Variants in ATP10A observed in about 807,000 individuals in gnomAD.
ATP10A encodes the protein ATPase phospholipid transporting 10A (putative).
A neutral mutation model predicts 147.8 loss-of-function variants in ATP10A; 111 were observed. The ratio of observed to expected loss-of-function variants is 0.75; its 90% CI spans 0.64 to 0.88. The LOEUF (loss-of-function observed/expected upper bound fraction) is 0.88, where lower values mean the gene tolerates loss of function less well. ATP10A is among the 40% of genes least tolerant of loss of function. The pLI is 0.00. For synonymous variants in ATP10A, 875 were observed against 841.6 expected (o/e 1.04, Z -0.69); for missense variants, 1,927 against 1,959.0 (o/e 0.98, Z 0.31).
At chr15:25,728,589 G>A (rs559545212) in intron 3 of ATP10A, among the ~76,000 whole-genome samples, 3 of 152,202 alleles carry the variant, frequency 2.0e-5, no homozygotes, top group African/African-American at 4.8e-5. Flanking sequence ...CGTGTCTCCC[G>A]TGGACTTCTC....
At position 25,702,185 on chromosome 15, in the gene ATP10A, A is replaced by C. The variant is rs188659119; in HGVS notation, c.2576-85T>G. The C allele has an allele frequency of 8.6e-5, 119 of 1,384,058 alleles. No homozygotes were observed. The East Asian group carries it at 2.7e-3, about 31-fold the overall frequency. The allele number at this position is 1,384,058 out of a possible 1,614,324, so 85.7% of individuals were successfully genotyped here. A position where few individuals can be genotyped will look rare whatever the true frequency, so the allele number is the denominator to read the frequency against. ...GGGGTGCAAATGTCATGCACCAGAT[A>C]CACCGAAGGCAGGCACTGGTACAGC... On this transcript the variant is annotated intron_variant, in intron 12 of 20. Coordinates refer to ENST00000555815, the MANE Select transcript of ATP10A (RefSeq NM_024490.4).
At chr15:25,793,383 G>A (rs983191528) in intron 1 of ATP10A, among the ~76,000 whole-genome samples, 2 of 152,084 alleles carry the variant, frequency 1.3e-5, no homozygotes, top group Admixed American at 6.5e-5. Flanking sequence ...AAAAGATATC[G>A]CCACTTTCTT....
intron 1 of ATP10A, among the ~76,000 whole-genome samples, chr15:25,828,947 T>C (rs1892232757): frequency 6.6e-6 from 1 of 152,166 alleles, no homozygotes. Flanking sequence ...GGCATTTCTA[T>C]GGCTGGTGAT....
intron 5 of ATP10A, among the ~76,000 whole-genome samples, 167 bp downstream of exon 5, chr15:25,725,782 ATT>A (rs112785287): frequency 6.6e-6 from 1 of 151,194 alleles, no homozygotes; most frequent in Non-Finnish European, 1.5e-5. Flanking sequence ...CTACAGGCAC[ATT>A]TTTTTTGTAT....
intron 1 of ATP10A, among the ~76,000 whole-genome samples, 155 bp downstream of exon 1, chr15:25,862,493 G>A (rs1425407673): frequency 6.6e-6 from 1 of 152,226 alleles, no homozygotes; most frequent in Non-Finnish European, 1.5e-5. Context: ...CTGTGGCTTC[G>A]GTCGGCACCG....
intron 3 of ATP10A, among the ~76,000 whole-genome samples, chr15:25,731,157 C>T (rs758209533): frequency 1.3e-5 from 2 of 152,178 alleles, no homozygotes; most frequent in Non-Finnish European, 2.9e-5. Context: ...AGCTGGTGCT[C>T]GTGCCGGCCC....
intron 10 of ATP10A, among the ~76,000 whole-genome samples, chr15:25,711,132 C>A (rs1362638298): frequency 6.6e-6 from 1 of 152,134 alleles, no homozygotes; most frequent in African/African-American, 2.4e-5. Flanking sequence ...TTGCCTGACA[C>A]CACACCTGCC....
intron 2 of ATP10A, among the ~76,000 whole-genome samples, chr15:25,759,504 G>C (rs1888637667): frequency 6.6e-6 from 1 of 152,124 alleles, no homozygotes; most frequent in African/African-American, 2.4e-5. Context: ...GCATTGCTCT[G>C]CCCTTAATAG....
intron 2 of ATP10A, among the ~76,000 whole-genome samples, chr15:25,757,816 TCACCTGCTCCACCCTAACTCATTCCGAC>T (rs1567360515): frequency 6.7e-5 from 10 of 149,324 alleles, no homozygotes; most frequent in African/African-American, 2.2e-4. Flanking sequence ...CCTTTTTTGA[TCACCTGCTCCACCCTAACTCATTCCGAC>T]CACCTGCTCC....
At chr15:25,812,850 T>A (rs1485074604) in intron 1 of ATP10A, among the ~76,000 whole-genome samples, 1 of 152,202 alleles carries the variant, frequency 6.6e-6, no homozygotes, top group Non-Finnish European at 1.5e-5. Context: ...TAAGATAGAA[T>A]AAAAGTGCAG....
intron 1 of ATP10A, among the ~76,000 whole-genome samples, chr15:25,860,589 C>T (rs1482343626): frequency 6.6e-6 from 1 of 152,150 alleles, no homozygotes; most frequent in Non-Finnish European, 1.5e-5. Flanking sequence ...ATGAAAAATG[C>T]TGACAGTTCC....
intron 1 of ATP10A, among the ~76,000 whole-genome samples, chr15:25,784,806 C>T (rs1890080449): frequency 6.6e-6 from 1 of 151,972 alleles, no homozygotes; most frequent in Admixed American, 6.6e-5. Flanking sequence ...CCTGTAATCC[C>T]AGCTATTCAG....
chr15:25,856,293 T>C (rs1287883156), intron 1 of ATP10A, among the ~76,000 whole-genome samples: 1 of 152,156 alleles, frequency 6.6e-6, no homozygotes, highest in Admixed American at 6.5e-5. Flanking sequence ...TTTACAAGCG[T>C]CTGGCATTTC....
At chr15:25,809,045 G>A (rs1891317654) in intron 1 of ATP10A, among the ~76,000 whole-genome samples, 1 of 152,188 alleles carries the variant, frequency 6.6e-6, no homozygotes, top group Non-Finnish European at 1.5e-5. Context: ...TGGAAGAGGG[G>A]CCACAGGGTT....
intron 1 of ATP10A, among the ~76,000 whole-genome samples, chr15:25,821,010 TAAAC>T (rs1397217960): frequency 4.6e-5 from 7 of 152,222 alleles, no homozygotes; most frequent in African/African-American, 1.7e-4. Context: ...CAGATAAAAA[TAAAC>T]ATACATTACA....
chr15:25,853,988 G>T (rs1893402070), intron 1 of ATP10A, among the ~76,000 whole-genome samples: 1 of 150,416 alleles, frequency 6.6e-6, no homozygotes, highest in Admixed American at 6.6e-5. Flanking sequence ...CAACTTGATT[G>T]GTTCCTACTG....
In ATP10A at chr15:25,695,122, G is replaced by C; in HGVS notation, c.2785C>G (p.Gln929Glu). Reference sequence around the variant, plus strand: ...CTGGACTGCACGTAGCATAGGCACTGGTCTAGCAGGGCTGCACACGCCTCC... The same window carrying C: ...CTGGACTGCACGTAGCATAGGCACTCGTCTAGCAGGGCTGCACACGCCTCC... Reference protein sequence around the residue: ...SQEACAALLDQCLCYVQSRGL... With the variant: ...SQEACAALLDECLCYVQSRGL... The change falls in exon 14 of 21, where the codon CAG becomes GAG. Residue 929 changes from glutamine to glutamate, a missense_variant. Physicochemically the swap from Gln to Glu is conservative, Grantham distance 29. Transcript: ENST00000555815. 6.2e-7 allele frequency: 1 copy of C among 1,612,978 alleles called. No individual in the cohort carries two copies. Among genetic ancestry groups the C allele is most frequent in the Non-Finnish European group, 8.5e-7 (1 of 1,179,178 alleles).
At chr15:25,686,090 A>G (rs1899698752) in intron 16 of ATP10A, among the ~76,000 whole-genome samples, 1 of 152,190 alleles carries the variant, frequency 6.6e-6, no homozygotes, top group Non-Finnish European at 1.5e-5. Flanking sequence ...AGTCCCAGGC[A>G]CAGCCTAATC....
chr15:25,746,199 A>G (rs1463809184), intron 2 of ATP10A, among the ~76,000 whole-genome samples: 1 of 152,184 alleles, frequency 6.6e-6, no homozygotes, highest in East Asian at 1.9e-4. Flanking sequence ...AACAAAAAGA[A>G]AGCTAGCGTG....
Sources: allele counts gnomAD v4.1 joint callset (sites outside exome capture counted in the v4.1 genomes callset), GRCh38; gene constraint gnomAD v4.1.1; transcripts MANE v1.5; gene names NCBI Gene and HGNC (gene_info 2026-07-23, HGNC 2026-07-21).